The following ACAA2 variants were observed in gnomAD, a reference collection of about 807,000 sequenced individuals.
The protein encoded by ACAA2 is 3-ketoacyl-CoA thiolase, mitochondrial.
In ACAA2, 35 loss-of-function variants were observed where a neutral mutation model predicts 44.8. The observed-to-expected ratio is 0.78, with a 90% CI of 0.60 to 1.04. The LOEUF is 1.04. Among genes scored for constraint, ACAA2 ranks in the 50% least tolerant of loss-of-function variants. The pLI, the probability that ACAA2 is intolerant of heterozygous loss-of-function variation, is 0.00. For missense variants in ACAA2, 468 were observed against 482.6 expected (o/e 0.97, Z 0.28); for synonymous variants, 142 against 166.5 (o/e 0.85, Z 1.13).
intron 2 of ACAA2, among the ~76,000 whole-genome samples, chr18:49,798,686 T>C (rs1774874523): frequency 6.6e-6 from 1 of 152,190 alleles, no homozygotes; most frequent in Non-Finnish European, 1.5e-5. Flanking sequence ...GTTAAGGGTT[T>C]TGAATGCAGA....
At chr18:49,790,185 T>C (rs1309941684) in intron 7 of ACAA2, among the ~76,000 whole-genome samples, 1 of 152,252 alleles carries the variant, frequency 6.6e-6, no homozygotes, top group Non-Finnish European at 1.5e-5. Flanking sequence ...AGCCAAAAGC[T>C]AATAAGCTTA....
intron 3 of ACAA2, among the ~76,000 whole-genome samples, chr18:49,796,786 G>GTAAC (rs2023469746): frequency 6.6e-6 from 1 of 152,122 alleles, no homozygotes; most frequent in East Asian, 1.9e-4. Context: ...CTATGACTGA[G>GTAAC]TAACCTTAAT....
At chr18:49,787,596 G>GGGAGGATCACTTTAGCCTCC (rs1163481312) in intron 7 of ACAA2, among the ~76,000 whole-genome samples, 3 of 151,828 alleles carry the variant, frequency 2.0e-5, no homozygotes, top group African/African-American at 7.3e-5. Context: ...AGGCTGAAGT[G>GGGAGGATCACTTTAGCCTCC]GGAGGATCAC....
intron 7 of ACAA2, among the ~76,000 whole-genome samples, chr18:49,790,685 G>A (rs1025237667): frequency 6.6e-6 from 1 of 152,138 alleles, no homozygotes; most frequent in Non-Finnish European, 1.5e-5. Flanking sequence ...ATTCAGCATC[G>A]TGTGTGGTTC....
chr18:49,784,752 C>T (rs2023307529), intron 9 of ACAA2, among the ~76,000 whole-genome samples: 1 of 152,122 alleles, frequency 6.6e-6, no homozygotes, highest in Non-Finnish European at 1.5e-5. Context: ...ACCCTGCAAG[C>T]AGTGAAAAGA....
chr18:49,809,339 G>A (rs372647127), intron 1 of ACAA2, among the ~76,000 whole-genome samples: 84 of 152,286 alleles, frequency 5.5e-4, no homozygotes, highest in African/African-American at 9.1e-4. Flanking sequence ...CGAAGATAAC[G>A]GGATTAAGAG....
intron 7 of ACAA2, among the ~76,000 whole-genome samples, chr18:49,788,240 A>T (rs920792633): frequency 6.6e-6 from 1 of 152,232 alleles, no homozygotes; most frequent in Non-Finnish European, 1.5e-5. Flanking sequence ...CTTGTTCTTA[A>T]AGAATGAAAC....
intron 5 of ACAA2, among the ~76,000 whole-genome samples, chr18:49,793,100 A>G (rs981371504): frequency 6.6e-6 from 1 of 152,202 alleles, no homozygotes; most frequent in Admixed American, 6.5e-5. Flanking sequence ...TAAGCAATTA[A>G]AAAGTTACCA....
rs2023570865 is a variant in ACAA2, at chr18:49,802,824, G to A, written c.46C>T (p.Pro16Ser). 6.2e-7 allele frequency: 1 copy of A among 1,613,976 alleles called. No homozygotes were observed. The highest frequency in any genetic ancestry group is 1.7e-5 in the Admixed American group (1 of 59,994). The part of the protein sequence containing the change: ...GVFVVAAKRT[P>S]FGAYGGLLKD... ...AGAAGGCCTCCGTAAGCTCCAAAGG[G>A]CGTTCGCTTAGCAGCAACTACAAAC... Residue 16 changes from proline (P) to serine (S), a missense_variant, in exon 2 of 10, where the codon CCC becomes TCC. Coordinates refer to ENST00000285093, the MANE Select transcript of ACAA2 (RefSeq NM_006111.3).
intron 2 of ACAA2, among the ~76,000 whole-genome samples, chr18:49,801,785 C>CATATATATATATAT (rs55864039): frequency 0.04 from 4,507 of 111,538 alleles, 154 homozygotes; most frequent in East Asian, 0.073. Context: ...AGAAACTGAT[C>CATATATATATATAT]ATATATATAT....
chr18:49,802,582 A>G (rs868433146), intron 2 of ACAA2, 105 bp downstream of exon 2: 15 of 980,524 alleles, frequency 1.5e-5, no homozygotes, highest in Middle Eastern at 4.9e-4. Context: ...AAAAAAGTCT[A>G]TAACTATTAT....
intron 8 of ACAA2, chr18:49,786,129 A>T (rs2023326133): frequency 6.6e-6 from 1 of 151,888 alleles, no homozygotes; most frequent in African/African-American, 2.4e-5. Context: ...GATAAAATTC[A>T]GTCTTGTGCT....
At chr18:49,804,643 A>C (rs1325577704) in intron 1 of ACAA2, among the ~76,000 whole-genome samples, 1 of 152,236 alleles carries the variant, frequency 6.6e-6, no homozygotes, top group Non-Finnish European at 1.5e-5. Context: ...GAATATAACA[A>C]AAATAGCATG....
At chr18:49,794,228 T>C in intron 5 of ACAA2, 52 bp downstream of exon 5, 3 of 1,314,764 alleles carry the variant, frequency 2.3e-6, no homozygotes, top group South Asian at 4.0e-5. Context: ...GATGAAAATA[T>C]TTCCTATAGA....
chr18:49,785,470 G>T, intron 8 of ACAA2, 119 bp from the exon 9 acceptor site: 1 of 940,926 alleles, frequency 1.1e-6, no homozygotes, highest in Non-Finnish European at 1.6e-6. Flanking sequence ...AAATTACCTC[G>T]CAAAGTTATT....
intron 1 of ACAA2, among the ~76,000 whole-genome samples, chr18:49,803,329 T>C (rs745440953): frequency 1.3e-5 from 2 of 151,582 alleles, no homozygotes; most frequent in South Asian, 2.1e-4. Flanking sequence ...TTTCCAGACA[T>C]TGTATGAAAA....
chr18:49,811,608 C>T (rs1292251940), intron 1 of ACAA2: 1 of 152,180 alleles, frequency 6.6e-6, no homozygotes, highest in Non-Finnish European at 1.5e-5. Context: ...GTCACATGCT[C>T]TTCTTTCTTC....
chr18:49,792,779 TC>T (rs1252647039), intron 5 of ACAA2, among the ~76,000 whole-genome samples: 1 of 152,096 alleles, frequency 6.6e-6, no homozygotes, highest in African/African-American at 2.4e-5. Context: ...CAACTTACCT[TC>T]CGTATTGGAG....
chr18:49,810,733 G>A (rs2143984866), intron 1 of ACAA2, among the ~76,000 whole-genome samples: 1 of 151,672 alleles, frequency 6.6e-6, no homozygotes, highest in African/African-American at 2.4e-5. Context: ...TGTCACCCAG[G>A]CTGAAGTGCG....
Sources: gnomAD v4.1 joint callset for allele counts (sites outside exome capture counted in the v4.1 genomes callset) on GRCh38, gnomAD v4.1.1 for gene constraint, MANE v1.5 for transcripts, NCBI Gene and HGNC (gene_info 2026-07-23, HGNC 2026-07-21) for gene names.